UQCC2: variants seen among roughly 807,000 people sequenced by gnomAD.
UQCC2 encodes ubiquinol-cytochrome c reductase complex assembly factor 2, also known as breast cancer-associated protein SGA-81M.
In UQCC2, 21 loss-of-function variants were observed where a neutral mutation model predicts 19.9. That is an observed-to-expected ratio of 1.05 (90% CI 0.75 to 1.52). The LOEUF is 1.52. Among genes scored for constraint, UQCC2 ranks in the 40% most tolerant of loss-of-function variants. The pLI, the probability that UQCC2 is intolerant of heterozygous loss-of-function variation, is 0.00. For synonymous variants in UQCC2, 57 were observed against 60.9 expected (o/e 0.94, Z 0.30); for missense variants, 135 against 157.5 (o/e 0.86, Z 0.76).
At chr6:33,700,081 TTTTTG>T (rs764076575) in intron 3 of UQCC2, among the ~76,000 whole-genome samples, 6 of 152,212 alleles carry the variant, frequency 3.9e-5, no homozygotes, top group South Asian at 2.1e-4. Flanking sequence ...ATTGAATGGT[TTTTTG>T]TTTTAATTAA....
intron 1 of UQCC2, among the ~76,000 whole-genome samples, chr6:33,704,055 C>A (rs116261455): frequency 6.6e-5 from 10 of 152,292 alleles, no homozygotes; most frequent in African/African-American, 2.2e-4. Context: ...GCCCCTACGT[C>A]CCCGGTGGTG....
chr6:33,710,265 T>C (rs1451446446), intron 1 of UQCC2, among the ~76,000 whole-genome samples: 3 of 152,166 alleles, frequency 2.0e-5, no homozygotes, highest in Admixed American at 2.0e-4. Context: ...TTGCCCCCTA[T>C]AGCCCACTCA....
intron 3 of UQCC2, 56 bp downstream of exon 3, chr6:33,700,388 C>G: frequency 6.3e-7 from 1 of 1,592,554 alleles, no homozygotes; most frequent in Non-Finnish European, 8.6e-7. Flanking sequence ...CCCTTGGCCA[C>G]TCAAACTCAG....
chr6:33,701,381 A>G lies in UQCC2; in HGVS notation c.178T>C (p.Leu60=), dbSNP rs770400994. ...TAGTAGTTTGAATGGAGTCGCGCTA[A>G]GCTCTCGTACATCTGATCACAGGCC... ...PEACDQMYES[L]ARLHSNYYKH... Residue 60 remains leucine (L), a synonymous_variant, in exon 2 of 4, where the codon TTA becomes CTA. Transcript: ENST00000607484. 2 of 1,613,706 alleles carry G rather than the reference A, an allele frequency of 1.2e-6. No homozygotes were observed. The highest frequency in any genetic ancestry group is 1.7e-6 in the Non-Finnish European group (2 of 1,179,880).
rs1765586774 is a variant in UQCC2 at position 33,697,928 on chromosome 6, T to C, written c.284-178A>G. 6 of 598,432 alleles carry C rather than the reference T, an allele frequency of 1.0e-5. No individual in the cohort carries two copies. The Admixed American group carries it at 1.5e-4, about 15-fold the overall frequency. The allele number at this position is 598,432 out of a possible 1,614,324, so 37.1% of individuals were successfully genotyped here. On this transcript the variant is annotated intron_variant, in intron 3 of 3. Coordinates refer to ENST00000607484, the MANE Select transcript of UQCC2 (RefSeq NM_032340.4). ...TCAAACAGGTAACAGAAGTGACCGC[T>C]TGCGGGGACTGAGCACTGTGTGCCA...
chr6:33,697,974 G>A (rs1316473356), intron 3 of UQCC2: 2 of 555,154 alleles, frequency 3.6e-6, no homozygotes, highest in Non-Finnish European at 6.4e-6. Flanking sequence ...CCAGCACGCT[G>A]TCAGTGGTCT....
intron 3 of UQCC2, among the ~76,000 whole-genome samples, chr6:33,698,944 A>C (rs1218408651): frequency 1.3e-5 from 2 of 152,190 alleles, no homozygotes; most frequent in East Asian, 3.8e-4. Context: ...TTTCACGTTA[A>C]CAAAACTACT....
intron 1 of UQCC2, among the ~76,000 whole-genome samples, chr6:33,711,290 A>C (rs1765767058): frequency 6.6e-6 from 1 of 152,176 alleles, no homozygotes; most frequent in South Asian, 2.1e-4. Context: ...CTGGAATTAT[A>C]GGTGTGAACC....
rs535541958 is a variant in UQCC2 at position 33,710,112 on chromosome 6, T to C, written c.138+1437A>G. Reference sequence around the variant, plus strand: ...CTTTTCCTTTATCCCACATCCCATATATCAGCAAGTCCTGCTGACTCAACC... The same window carrying C: ...CTTTTCCTTTATCCCACATCCCATACATCAGCAAGTCCTGCTGACTCAACC... On this transcript the variant is annotated intron_variant, in intron 1 of 3. Coordinates refer to ENST00000607484, the MANE Select transcript of UQCC2 (RefSeq NM_032340.4). Among the ~76,000 whole-genome samples the C allele has an allele frequency of 4.7e-4, 71 of 152,314 alleles. 1 individual carries two copies. The South Asian group carries it at 0.012, about 25-fold the overall frequency.
At chr6:33,705,028 CACTT>C (rs1765683373) in intron 1 of UQCC2, among the ~76,000 whole-genome samples, 1 of 146,248 alleles carries the variant, frequency 6.8e-6, no homozygotes, top group African/African-American at 2.5e-5. Flanking sequence ...CAGGTACTCT[CACTT>C]CTTTTTTTTT....
At chr6:33,707,307 A>T (rs1765711629) in intron 1 of UQCC2, among the ~76,000 whole-genome samples, 1 of 152,232 alleles carries the variant, frequency 6.6e-6, no homozygotes, top group Non-Finnish European at 1.5e-5. Context: ...ACTCTTCAAA[A>T]GCATAACTTC....
chr6:33,699,377 C>G (rs959815392), intron 3 of UQCC2, among the ~76,000 whole-genome samples: 44 of 152,184 alleles, frequency 2.9e-4, no homozygotes, highest in Non-Finnish European at 5.0e-4. Flanking sequence ...CTTGCAGAGG[C>G]TGCCCTGAGG....
chr6:33,709,696 C>G (rs1290345381), intron 1 of UQCC2, among the ~76,000 whole-genome samples: 1 of 152,044 alleles, frequency 6.6e-6, no homozygotes, highest in Non-Finnish European at 1.5e-5. Context: ...GCAGTACAGT[C>G]ACAATGATGC....
intron 1 of UQCC2, among the ~76,000 whole-genome samples, chr6:33,707,460 C>CA (rs1384451972): frequency 6.6e-6 from 1 of 152,026 alleles, no homozygotes; most frequent in African/African-American, 2.4e-5. Context: ...AAAACAGAAT[C>CA]AAAAAAACCT....
chr6:33,707,790 T>C (rs1765717254), intron 1 of UQCC2, among the ~76,000 whole-genome samples: 2 of 152,208 alleles, frequency 1.3e-5, no homozygotes, highest in Non-Finnish European at 2.9e-5. Flanking sequence ...ACGTTGCAAT[T>C]CTTTTATTAA....
At chr6:33,702,736 TTC>T (rs1276777381) in intron 1 of UQCC2, among the ~76,000 whole-genome samples, 4 of 152,216 alleles carry the variant, frequency 2.6e-5, no homozygotes, top group Non-Finnish European at 5.9e-5. Flanking sequence ...GAACAAAACT[TTC>T]TCTTTTATAT....
At chr6:33,699,221 G>A (rs542328117) in intron 3 of UQCC2, among the ~76,000 whole-genome samples, 2 of 152,288 alleles carry the variant, frequency 1.3e-5, no homozygotes, top group Admixed American at 1.3e-4. Flanking sequence ...GTAAGCTTAC[G>A]CCACACAATT....
chr6:33,702,048 C>A (rs1369274540), intron 1 of UQCC2, among the ~76,000 whole-genome samples: 2 of 152,056 alleles, frequency 1.3e-5, no homozygotes, highest in Admixed American at 6.5e-5. Flanking sequence ...ACTCTATTGC[C>A]CAGGCTGGAG....
Position 33,711,535 on chromosome 6 carries a change from T to C in UQCC2, c.138+14A>G, listed in dbSNP as rs898199877. The C allele has an allele frequency of 5.0e-6, 8 of 1,589,556 alleles. No homozygotes were observed. In the African/African-American group the frequency reaches 1.1e-4, roughly 22 times the overall value. ...CTTTCCTCCCCTCGTCCCAGCCGCCTCCCCGCCGGTCACCTGGGTATTCTC... is the reference window on the plus strand; with the variant it reads ...CTTTCCTCCCCTCGTCCCAGCCGCCCCCCCGCCGGTCACCTGGGTATTCTC... On this transcript the variant is annotated intron_variant, in intron 1 of 3. Transcript: ENST00000607484.
Sources: gnomAD v4.1 joint callset for allele counts (sites outside exome capture counted in the v4.1 genomes callset) on GRCh38, gnomAD v4.1.1 for gene constraint, MANE v1.5 for transcripts, NCBI Gene and HGNC (gene_info 2026-07-23, HGNC 2026-07-21) for gene names.